Variants in GRIN2A observed in about 807,000 individuals in gnomAD.
GRIN2A encodes glutamate receptor ionotropic, NMDA 2A.
A neutral mutation model predicts 113.4 loss-of-function variants in GRIN2A; 22 were observed. The observed-to-expected ratio is 0.19, with a 90% confidence interval of 0.14 to 0.28. GRIN2A has a LOEUF of 0.28. Ranked by LOEUF, GRIN2A falls within the 10% of genes least tolerant of loss-of-function variation. The pLI is 1.00. For synonymous variants in GRIN2A, 827 were observed against 738.4 expected, an observed-to-expected ratio of 1.12 and a Z score of -1.94; for missense variants, 1,502 against 1,887.0, an observed-to-expected ratio of 0.80 and a Z score of 3.78.
chr16:9,830,759 T>G (rs1309044247), intron 8 of GRIN2A, among the ~76,000 whole-genome samples: 1 of 152,214 alleles, frequency 6.6e-6, no homozygotes, highest in Non-Finnish European at 1.5e-5. Flanking sequence ...ACTTATAATA[T>G]CCATGACACA....
At chr16:10,014,312 C>A (rs1019399316) in intron 2 of GRIN2A, among the ~76,000 whole-genome samples, 1 of 152,218 alleles carries the variant, frequency 6.6e-6, no homozygotes, top group African/African-American at 2.4e-5. Context: ...ATGTATGTCT[C>A]TTAAAGGATA....
intron 2 of GRIN2A, among the ~76,000 whole-genome samples, chr16:10,151,768 G>T (rs1275526493): frequency 6.6e-6 from 1 of 151,964 alleles, no homozygotes; most frequent in African/African-American, 2.4e-5. Context: ...CTCTACCAAG[G>T]CCTCCGAGTT....
intron 2 of GRIN2A, among the ~76,000 whole-genome samples, chr16:9,981,775 T>C (rs938757956): frequency 6.6e-6 from 1 of 152,176 alleles, no homozygotes; most frequent in Admixed American, 6.5e-5. Context: ...GTCTATATGA[T>C]TAATATGGTA....
In GRIN2A at chr16:10,131,394, C is replaced by T. The variant is rs759581501; in HGVS notation, c.414+48604G>A. ...CAAACCAACTCGGGGGGAAATTCAT[C>T]GGGAAGTTGGAAGCTAAAGGGTCCC... On this transcript the variant is annotated intron_variant, in intron 2 of 12. Coordinates refer to ENST00000330684, the MANE Select transcript of GRIN2A (RefSeq NM_001134407.3). Among the ~76,000 whole-genome samples the T allele has an allele frequency of 4.6e-5, 7 of 151,814 alleles. No individual in the cohort carries two copies. The East Asian group carries it at 9.7e-4, about 21-fold the overall frequency.
At chr16:9,797,080 C>T (rs148708751) in intron 11 of GRIN2A, among the ~76,000 whole-genome samples, 33 of 152,332 alleles carry the variant, frequency 2.2e-4, no homozygotes, top group African/African-American at 6.3e-4. Context: ...GCACTTCATT[C>T]GAATTCACAC....
chr16:10,097,898 C>T (rs971935679), intron 2 of GRIN2A, among the ~76,000 whole-genome samples: 3 of 152,074 alleles, frequency 2.0e-5, no homozygotes, highest in Non-Finnish European at 4.4e-5. Context: ...GATTTCATGA[C>T]CAAGAACCCA....
intron 4 of GRIN2A, among the ~76,000 whole-genome samples, chr16:9,874,021 G>T (rs2043316409): frequency 6.6e-6 from 1 of 152,130 alleles, no homozygotes. Flanking sequence ...TCCCTTTAAG[G>T]GAATACGAGT....
intron 2 of GRIN2A, among the ~76,000 whole-genome samples, chr16:10,045,660 CA>C (rs2047245524): frequency 6.6e-6 from 1 of 152,318 alleles, no homozygotes; most frequent in East Asian, 1.9e-4. Flanking sequence ...CAGAGGCATC[CA>C]GAAACGTTTT....
intron 7 of GRIN2A, among the ~76,000 whole-genome samples, chr16:9,839,376 TAA>T (rs35146827): frequency 6.9e-6 from 1 of 144,974 alleles, no homozygotes; most frequent in Non-Finnish European, 1.5e-5. Context: ...TTCCTTGATT[TAA>T]AAAAAAAAAA....
At chr16:10,149,108 G>C (rs1464296753) in intron 2 of GRIN2A, among the ~76,000 whole-genome samples, 1 of 152,152 alleles carries the variant, frequency 6.6e-6, no homozygotes, top group Non-Finnish European at 1.5e-5. Flanking sequence ...GAATAGGGAT[G>C]GTTAATGGGT....
chr16:10,039,392 A>C (rs1376347040), intron 2 of GRIN2A, among the ~76,000 whole-genome samples: 1 of 152,168 alleles, frequency 6.6e-6, no homozygotes, highest in Non-Finnish European at 1.5e-5. Context: ...GTCTCAGGTA[A>C]ATGTGGCTTT....
In GRIN2A at chr16:9,938,074, T is replaced by G; in HGVS notation, c.892A>C (p.Ile298Leu). Residue 298 changes from isoleucine to leucine, a missense_variant, in exon 3 of 13, where the codon ATC becomes CTC. Coordinates refer to ENST00000330684, the MANE Select transcript of GRIN2A (RefSeq NM_001134407.3). ...ATAGAAGATGCAGCGGTGGTTAGGA[T>G]GCCAATGCCGTCCCTCACTCTCGCC... Reference protein sequence around the residue: ...LEARVRDGIGILTTAASSMLE... With the variant: ...LEARVRDGIGLLTTAASSMLE... 1 of 1,614,024 alleles carries G rather than the reference T, an allele frequency of 6.2e-7. No homozygotes were observed. Among genetic ancestry groups the G allele is most frequent in the Non-Finnish European group, 8.5e-7 (1 of 1,179,922 alleles).
intron 4 of GRIN2A, among the ~76,000 whole-genome samples, chr16:9,850,434 G>A (rs1357402215): frequency 6.6e-6 from 1 of 152,104 alleles, no homozygotes; most frequent in African/African-American, 2.4e-5. Context: ...GGATGCCATG[G>A]GAATTCAATA....
intron 7 of GRIN2A, among the ~76,000 whole-genome samples, chr16:9,839,751 G>C (rs574829081): frequency 6.5e-4 from 99 of 151,908 alleles, no homozygotes; most frequent in Non-Finnish European, 1.0e-3. Flanking sequence ...ACATTCTACA[G>C]AGTCAAGACC....
intron 11 of GRIN2A, among the ~76,000 whole-genome samples, chr16:9,769,451 C>CTTTTTTTTTTT (rs34847596): frequency 2.9e-5 from 3 of 104,850 alleles, no homozygotes; most frequent in African/African-American, 3.3e-5. Flanking sequence ...GGAGTTTTGT[C>CTTTTTTTTTTT]TTTTTTTTTT....
chr16:9,815,357 C>G (rs921770493), intron 10 of GRIN2A, among the ~76,000 whole-genome samples: 4 of 147,358 alleles, frequency 2.7e-5, no homozygotes, highest in Non-Finnish European at 4.5e-5. Context: ...AATTGTATAT[C>G]TGATAAGGGA....
At chr16:10,006,950 C>T (rs2046414571) in intron 2 of GRIN2A, among the ~76,000 whole-genome samples, 1 of 152,166 alleles carries the variant, frequency 6.6e-6, no homozygotes, top group African/African-American at 2.4e-5. Flanking sequence ...CATGTTGTTG[C>T]AAATGACAGG....
At chr16:10,029,653 C>A (rs2046892047) in intron 2 of GRIN2A, among the ~76,000 whole-genome samples, 1 of 152,184 alleles carries the variant, frequency 6.6e-6, no homozygotes, top group Admixed American at 6.5e-5. Flanking sequence ...AGTTTCCTGC[C>A]TTATTCATGC....
chr16:9,787,611 C>A (rs1030502842), intron 11 of GRIN2A, among the ~76,000 whole-genome samples: 3 of 152,128 alleles, frequency 2.0e-5, no homozygotes, highest in African/African-American at 7.2e-5. Context: ...TAGATTTCTT[C>A]GAATATTTTA....
Sources: gnomAD v4.1 joint callset for allele counts (sites outside exome capture counted in the v4.1 genomes callset) on GRCh38, gnomAD v4.1.1 for gene constraint, MANE v1.5 for transcripts, NCBI Gene and HGNC (gene_info 2026-07-23, HGNC 2026-07-21) for gene names.